Variants in ATP2C1 observed in about 807,000 individuals in gnomAD.
ATP2C1 encodes calcium-transporting ATPase type 2C member 1.
A neutral mutation model predicts 120.5 loss-of-function variants in ATP2C1; 31 were observed. The ratio of observed to expected loss-of-function variants is 0.26; its 90% CI spans 0.19 to 0.35. ATP2C1 has a LOEUF of 0.35. ATP2C1 is among the 10% of genes least tolerant of loss of function. ATP2C1 has a pLI of 1.00. For missense variants in ATP2C1, 731 were observed against 1,107.5 expected (o/e 0.66, Z 4.83); for synonymous variants, 351 against 358.7 (o/e 0.98, Z 0.24).
intron 2 of ATP2C1, among the ~76,000 whole-genome samples, chr3:130,915,418 G>A (rs182512244): frequency 2.0e-5 from 3 of 152,198 alleles, no homozygotes; most frequent in Admixed American, 6.5e-5. Flanking sequence ...TTATAAGAAT[G>A]TACAGTTTTT....
intron 17 of ATP2C1, among the ~76,000 whole-genome samples, chr3:130,970,050 G>A (rs115237061): frequency 3.3e-5 from 5 of 152,182 alleles, no homozygotes; most frequent in Non-Finnish European, 7.4e-5. Flanking sequence ...GGATGCGGTA[G>A]CTCACGCCTG....
chr3:131,011,329 T>G (rs1347547242), intron 26 of ATP2C1, among the ~76,000 whole-genome samples: 2 of 152,220 alleles, frequency 1.3e-5, no homozygotes, highest in African/African-American at 4.8e-5. Context: ...TAGGTTATAG[T>G]AAAAGTTTTC....
Position 130,980,667 on chromosome 3 carries a change from A to T in ATP2C1, c.1827A>T (p.Gln609His). 1.9e-6 allele frequency: 3 copies of T among 1,612,630 alleles called. No homozygotes were observed. Among genetic ancestry groups the T allele is most frequent in the Non-Finnish European group, 2.5e-6 (3 of 1,178,874 alleles). ...CAATGGATGTTCAGCAGCTTTCACA[A>T]ATAGTACCAAAGGTAGGCCTAAACT... Reference protein sequence around the residue: ...IDAMDVQQLSQIVPKVAVFYR... With the variant: ...IDAMDVQQLSHIVPKVAVFYR... Residue 609 changes from glutamine to histidine, a missense_variant, in exon 20 of 28, where the codon CAA becomes CAT. Physicochemically the swap from Gln to His is conservative, Grantham distance 24. Coordinates refer to ENST00000510168, the MANE Select transcript of ATP2C1 (RefSeq NM_001378687.1).
At chr3:130,963,733 G>A (rs1038837816) in intron 12 of ATP2C1, 3 of 482,688 alleles carry the variant, frequency 6.2e-6, no homozygotes, top group African/African-American at 2.0e-5. Flanking sequence ...GGTGAAGCCA[G>A]GGATACAAAT....
At chr3:130,988,590 A>T (rs537121375) in intron 20 of ATP2C1, among the ~76,000 whole-genome samples, 265 of 152,258 alleles carry the variant, frequency 1.7e-3, no homozygotes, top group African/African-American at 5.9e-3. Context: ...ATAGGCAGGG[A>T]TGACACCCAC....
chr3:130,889,867 AACTCCT>A (rs2069112683), upstream of ATP2C1, among the ~76,000 whole-genome samples: 1 of 151,978 alleles, frequency 6.6e-6, no homozygotes, highest in South Asian at 2.1e-4. Context: ...CCTGGTCTTG[AACTCCT>A]GGGCTCACAC....
intron 2 of ATP2C1, among the ~76,000 whole-genome samples, chr3:130,920,682 A>G (rs1254129986): frequency 6.6e-6 from 1 of 152,144 alleles, no homozygotes; most frequent in Admixed American, 6.5e-5. Flanking sequence ...TTCCATATGA[A>G]TTTTAGAATC....
chr3:130,945,803 T>G (rs2060127494), intron 8 of ATP2C1, among the ~76,000 whole-genome samples: 1 of 152,112 alleles, frequency 6.6e-6, no homozygotes, highest in African/African-American at 2.4e-5. Flanking sequence ...ACACAGCATA[T>G]TTTTGGTGTT....
In ATP2C1 at chr3:130,924,441, C is replaced by A. The variant is rs1040613875; in HGVS notation, c.7-5975C>A. 3.9e-5 allele frequency among the ~76,000 whole-genome samples: 6 copies of A among 152,180 alleles called. No individual in the cohort carries two copies. The East Asian group carries it at 1.2e-3, about 29-fold the overall frequency. On this transcript the variant is annotated intron_variant, in intron 2 of 27. Transcript: ENST00000510168. ...CTTGTAGGGTTTCTGCTGAAAGATA[C>A]ACTGTTAATCTGATAGGTTTTTCTT...
Position 130,894,189 on chromosome 3 carries a change from C to A in ATP2C1, c.-329C>A, listed in dbSNP as rs1350411907. On this transcript the variant is annotated 5_prime_UTR_variant, in exon 1 of 28. Coordinates refer to ENST00000510168, the MANE Select transcript of ATP2C1 (RefSeq NM_001378687.1). The surrounding 1 kb of genome is among the most constrained non-coding windows in gnomAD (Gnocchi z 4.5). ...CCCTCTCTCCCTCCCTTCCTCCCTC[C>A]CGCTCGCTTCTTCTCACGCCGGGAG... 2 of 982,828 alleles carry A rather than the reference C, an allele frequency of 2.0e-6. No individual in the cohort carries two copies. The highest frequency in any genetic ancestry group is 2.4e-6 in the Non-Finnish European group (2 of 827,662). 60.9% of individuals were successfully genotyped at this position (982,828 alleles called of 1,614,324 possible).
intron 5 of ATP2C1, among the ~76,000 whole-genome samples, chr3:130,935,523 G>A (rs1190132003): frequency 1.3e-5 from 2 of 152,168 alleles, no homozygotes; most frequent in Non-Finnish European, 2.9e-5. Context: ...CACTGTAGAT[G>A]TTATTGTAGA....
At chr3:130,919,939 A>G (rs1359978994) in intron 2 of ATP2C1, among the ~76,000 whole-genome samples, 2 of 152,112 alleles carry the variant, frequency 1.3e-5, no homozygotes, top group African/African-American at 4.8e-5. Flanking sequence ...CATTTCCCTA[A>G]TGGTTAATGA....
chr3:131,014,261 C>A (rs1422207542), intron 26 of ATP2C1: 2 of 1,613,688 alleles, frequency 1.2e-6, no homozygotes, highest in African/African-American at 2.7e-5. Flanking sequence ...GGGCATATGA[C>A]CTTGTGGCAT....
At chr3:130,898,561 A>G (rs1174210918) in intron 2 of ATP2C1, among the ~76,000 whole-genome samples, 2 of 152,320 alleles carry the variant, frequency 1.3e-5, no homozygotes, top group South Asian at 2.1e-4. Flanking sequence ...AGTTGAAACT[A>G]AAAGAGATTA....
chr3:130,890,206 T>C (rs928201244), upstream of ATP2C1, among the ~76,000 whole-genome samples: 1 of 152,222 alleles, frequency 6.6e-6, no homozygotes, highest in African/African-American at 2.4e-5. Context: ...CCTTTGTATC[T>C]CAAAACAAAT....
chr3:130,999,069 C>A (rs2062767872), intron 26 of ATP2C1, among the ~76,000 whole-genome samples: 1 of 152,138 alleles, frequency 6.6e-6, no homozygotes, highest in Middle Eastern at 3.2e-3. Context: ...CACTAATTGA[C>A]CAATTTTTGA....
intron 1 of ATP2C1, among the ~76,000 whole-genome samples, chr3:130,861,575 C>T (rs1348848740): frequency 6.6e-6 from 1 of 152,200 alleles, no homozygotes; most frequent in Non-Finnish European, 1.5e-5. Flanking sequence ...ATCTTCTTTA[C>T]TCAGTCCACT....
chr3:130,968,285 T>TA (rs1256560511), intron 16 of ATP2C1, among the ~76,000 whole-genome samples: 1 of 152,206 alleles, frequency 6.6e-6, no homozygotes, highest in Non-Finnish European at 1.5e-5. Flanking sequence ...CTTATAAAGA[T>TA]ATTAGTTTCT....
At position 130,994,064 on chromosome 3, in the gene ATP2C1, A is replaced by G; in HGVS notation, c.2023A>G (p.Met675Val). Residue 675 changes from methionine to valine, a missense_variant, in exon 22 of 28, where the codon ATG becomes GTG. Met to Val is a conservative substitution (Grantham distance 21). Transcript: ENST00000510168. ...GTDVCKEAAD[M>V]ILVDDDFQTI... ...AGATGTTTGCAAAGAGGCAGCAGAC[A>G]TGATCCTAGTGGATGATGATTTTCA... is the stretch of plus-strand genomic sequence containing the variant. 1 of 1,614,160 alleles carries G rather than the reference A, an allele frequency of 6.2e-7. No homozygotes were observed. The highest frequency in any genetic ancestry group is 8.5e-7 in the Non-Finnish European group (1 of 1,179,996).
Sources: gnomAD v4.1 joint callset for allele counts (sites outside exome capture counted in the v4.1 genomes callset) on GRCh38, gnomAD v4.1.1 for gene constraint, Gnocchi (gnomAD v3.1) non-coding constraint, MANE v1.5 for transcripts, NCBI Gene and HGNC (gene_info 2026-07-23, HGNC 2026-07-21) for gene names.